Variants in PPP3CB observed in about 807,000 individuals in gnomAD.
PPP3CB encodes the protein protein phosphatase 3 catalytic subunit beta.
PPP3CB carries 8 observed loss-of-function variants against 66.4 expected under a neutral mutation model. The ratio of observed to expected loss-of-function variants is 0.12; its 90% CI spans 0.07 to 0.22. The LOEUF (loss-of-function observed/expected upper bound fraction) is 0.22, where lower values mean the gene tolerates loss of function less well. PPP3CB is among the 10% of genes least tolerant of loss of function. The pLI is 1.00. For synonymous variants in PPP3CB, 208 were observed against 221.2 expected (o/e 0.94, Z 0.53); for missense variants, 319 against 642.5 (o/e 0.50, Z 5.44).
At chr10:73,454,368 C>T (rs563485859) in intron 10 of PPP3CB, 44 bp downstream of exon 10, 169 of 1,470,904 alleles carry the variant, frequency 1.1e-4, no homozygotes, top group Middle Eastern at 5.2e-4. Flanking sequence ...TAAAGAAATA[C>T]CATTTCACAG....
intron 3 of PPP3CB, among the ~76,000 whole-genome samples, chr10:73,476,573 C>T (rs566025878): frequency 3.1e-4 from 46 of 150,142 alleles, no homozygotes; most frequent in Non-Finnish European, 5.3e-4. Context: ...GCCGAGATCA[C>T]GCCACTACAC....
chr10:73,447,815 A>T (rs1465956291), intron 10 of PPP3CB, among the ~76,000 whole-genome samples: 1 of 152,120 alleles, frequency 6.6e-6, no homozygotes, highest in Non-Finnish European at 1.5e-5. Context: ...ATGAGCACTG[A>T]AGCTACAGCT....
intron 9 of PPP3CB, among the ~76,000 whole-genome samples, chr10:73,454,816 A>T (rs558051830): frequency 6.6e-6 from 1 of 152,110 alleles, no homozygotes; most frequent in African/African-American, 2.4e-5. Context: ...TGGATATAGC[A>T]TAATAAGAAA....
intron 1 of PPP3CB, among the ~76,000 whole-genome samples, chr10:73,482,950 A>G (rs2056906727): frequency 6.6e-6 from 1 of 152,106 alleles, no homozygotes; most frequent in African/African-American, 2.4e-5. Flanking sequence ...AACCAACAAC[A>G]TAATTCCACT....
chr10:73,450,030 T>C (rs1433477247), intron 10 of PPP3CB, among the ~76,000 whole-genome samples: 1 of 152,194 alleles, frequency 6.6e-6, no homozygotes, highest in Non-Finnish European at 1.5e-5. Context: ...ACTCCTGACC[T>C]CAGGTGATCC....
chr10:73,467,335 ATCT>A, intron 9 of PPP3CB: 1 of 302,436 alleles, frequency 3.3e-6, no homozygotes, highest in Non-Finnish European at 6.0e-6. Context: ...CTATTTATAA[ATCT>A]TCTCCCAGTC....
chr10:73,491,535 C>T (rs1286063417), intron 1 of PPP3CB, among the ~76,000 whole-genome samples: 6 of 152,140 alleles, frequency 3.9e-5, no homozygotes, highest in Admixed American at 3.9e-4. Context: ...ATTTCTAGTT[C>T]TTTTTACACA....
At chr10:73,484,835 TGAGGTCAGGA>T (rs1470048831) in intron 1 of PPP3CB, among the ~76,000 whole-genome samples, 1 of 152,076 alleles carries the variant, frequency 6.6e-6, no homozygotes, top group East Asian at 1.9e-4. Context: ...GTGGATCACC[TGAGGTCAGGA>T]GGTCAAGACC....
intron 10 of PPP3CB, among the ~76,000 whole-genome samples, chr10:73,446,818 T>C (rs1408767055): frequency 6.6e-6 from 1 of 152,116 alleles, no homozygotes; most frequent in Admixed American, 6.5e-5. Flanking sequence ...AACTTTAATA[T>C]TTCACTCTAC....
chr10:73,494,029 C>T lies in PPP3CB; in HGVS notation c.85+1776G>A, dbSNP rs898898419. On this transcript the variant is annotated intron_variant, in intron 1 of 13. Coordinates refer to ENST00000360663, the MANE Select transcript of PPP3CB (RefSeq NM_021132.4). ...GTGATTGGTTACCCCATCTAACAGT[C>T]TGGTGAAAAGTGCCCAGGGAAATGA... Among the ~76,000 whole-genome samples the T allele has an allele frequency of 2.6e-5, 4 of 152,188 alleles. No individual in the cohort carries two copies. The South Asian group carries it at 6.2e-4, about 24-fold the overall frequency.
intron 12 of PPP3CB, 22 bp downstream of exon 12, chr10:73,444,703 G>C (rs1406282917): frequency 2.5e-6 from 4 of 1,613,902 alleles, no homozygotes; most frequent in Non-Finnish European, 3.4e-6. Flanking sequence ...CTGAGGCACA[G>C]CAAGTTGCAT....
chr10:73,462,054 A>G (rs1449605005), intron 9 of PPP3CB, among the ~76,000 whole-genome samples: 1 of 151,582 alleles, frequency 6.6e-6, no homozygotes, highest in Non-Finnish European at 1.5e-5. Context: ...CACCATGAGA[A>G]GTTCCCTGAG....
chr10:73,489,408 C>CAAT (rs10524475), intron 1 of PPP3CB, among the ~76,000 whole-genome samples: 5,312 of 149,932 alleles, frequency 0.035, 136 homozygotes, highest in Non-Finnish European at 0.056. Context: ...TTAAAACCTT[C>CAAT]AATAATAATA....
chr10:73,492,399 G>A (rs1180729236), intron 1 of PPP3CB, among the ~76,000 whole-genome samples: 1 of 152,130 alleles, frequency 6.6e-6, no homozygotes, highest in East Asian at 1.9e-4. Context: ...CATTTTTTAA[G>A]TATCTGGGGA....
At chr10:73,461,324 G>A (rs1222105397) in intron 9 of PPP3CB, among the ~76,000 whole-genome samples, 3 of 152,170 alleles carry the variant, frequency 2.0e-5, no homozygotes, top group East Asian at 1.9e-4. Flanking sequence ...GGGCATGCCT[G>A]TAGTCCCAGC....
chr10:73,489,522 C>CA (rs2057038567), intron 1 of PPP3CB, among the ~76,000 whole-genome samples: 1 of 151,980 alleles, frequency 6.6e-6, no homozygotes, highest in Admixed American at 6.6e-5. Context: ...ATTAATTCTC[C>CA]AAAAACCCTA....
chr10:73,487,556 A>C (rs930737486), intron 1 of PPP3CB, among the ~76,000 whole-genome samples: 2 of 143,756 alleles, frequency 1.4e-5, no homozygotes, highest in African/African-American at 5.2e-5. Context: ...TCAAAAAAAA[A>C]CCAAAACCAA....
chr10:73,447,848 G>C (rs2132792894), intron 10 of PPP3CB, among the ~76,000 whole-genome samples: 1 of 151,510 alleles, frequency 6.6e-6, no homozygotes, highest in South Asian at 2.1e-4. Context: ...AAACTGTGTG[G>C]GTACCTGGGT....
At chr10:73,487,982 T>A (rs1277729918) in intron 1 of PPP3CB, among the ~76,000 whole-genome samples, 1 of 151,904 alleles carries the variant, frequency 6.6e-6, no homozygotes, top group Non-Finnish European at 1.5e-5. Flanking sequence ...GGTTTCACCA[T>A]GTTGGCCAGG....
Sources: gnomAD v4.1 joint callset for allele counts (sites outside exome capture counted in the v4.1 genomes callset) on GRCh38, gnomAD v4.1.1 for gene constraint, MANE v1.5 for transcripts, NCBI Gene and HGNC (gene_info 2026-07-23, HGNC 2026-07-21) for gene names.